INTS13: variants seen among roughly 807,000 people sequenced by gnomAD.
The protein encoded by INTS13 is asunder, spermatogenesis regulator homolog (Drosphila).
INTS13 carries 35 observed loss-of-function variants against 90.2 expected under a neutral mutation model. That is an observed-to-expected ratio of 0.39 (90% CI 0.30 to 0.51). The LOEUF (loss-of-function observed/expected upper bound fraction) is 0.51, where lower values mean the gene tolerates loss of function less well. INTS13 is among the 20% of genes least tolerant of loss of function. The probability of loss-of-function intolerance (pLI) is 0.80; values close to 1 mark genes in which losing one functional copy is unlikely to be tolerated. For synonymous variants in INTS13, 309 were observed against 277.1 expected (o/e 1.11, Z -1.14); for missense variants, 601 against 851.2 (o/e 0.71, Z 3.66).
intron 3 of INTS13, among the ~76,000 whole-genome samples, chr12:26,929,457 A>G (rs1277103108): frequency 6.6e-6 from 1 of 152,178 alleles, no homozygotes; most frequent in East Asian, 1.9e-4. Context: ...CCAGCGGCTC[A>G]TGCCTGTAAT....
chr12:26,916,629 T>C (rs1439107741), intron 10 of INTS13, among the ~76,000 whole-genome samples: 2 of 152,210 alleles, frequency 1.3e-5, no homozygotes, highest in East Asian at 1.9e-4. Context: ...CTATTCTACA[T>C]GTCCAAATGT....
chr12:26,913,848 A>G (rs957948417), intron 13 of INTS13, 126 bp downstream of exon 13: 1 of 1,134,028 alleles, frequency 8.8e-7, no homozygotes, highest in Admixed American at 2.7e-5. Context: ...ATTTTGTATT[A>G]TTTCATCTCA....
rs1369135352 is a variant in INTS13, at chr12:26,936,618, A to G, written c.186T>C (p.Tyr62=). The change falls in exon 2 of 17, where the codon TAT becomes TAC. Residue 62 remains tyrosine, a synonymous_variant. Coordinates refer to ENST00000261191, the MANE Select transcript of INTS13 (RefSeq NM_018164.3). ...WTCSVESSME[Y]CRIMYDIFPF... ...GAAATATATCATACATTATTCTACA[A>G]TATTCCATGGAAGATTCTACTGAGC... 3.1e-6 allele frequency: 5 copies of G among 1,612,926 alleles called. No homozygotes were observed. Among genetic ancestry groups the G allele is most frequent in the Non-Finnish European group, 4.2e-6 (5 of 1,178,966 alleles).
rs35037404 is a variant in INTS13, at chr12:26,916,050, A to T, written c.1200T>A (p.Pro400=). ...TTCCTCCACATCCTTCACTAATTGA[A>T]GGTGGATCTTCTAGAATGGATCGAG... ...SSSRSILEDP[P]SISEGCGGRV... The change falls in exon 11 of 17, where the codon CCT becomes CCA. Residue 400 remains proline, a synonymous_variant. Coordinates refer to ENST00000261191, the MANE Select transcript of INTS13 (RefSeq NM_018164.3). The T allele has an allele frequency of 0.041, 65,382 of 1,613,534 alleles. 1,613 individuals are homozygous for T. The highest frequency in any genetic ancestry group is 0.048 in the Non-Finnish European group (56,176 of 1,179,624).
At chr12:26,906,603 A>G in intron 15 of INTS13, 166 bp from the exon 16 acceptor site, 1 of 713,598 alleles carries the variant, frequency 1.4e-6, no homozygotes, top group South Asian at 2.0e-5. Flanking sequence ...TTTTCCTCTT[A>G]CTCTAAAATT....
At chr12:26,926,523 C>T (rs963283832) in intron 5 of INTS13, among the ~76,000 whole-genome samples, 7 of 152,178 alleles carry the variant, frequency 4.6e-5, no homozygotes, top group Non-Finnish European at 1.0e-4. Context: ...ATAACAATAA[C>T]ACTATGACCG....
chr12:26,924,769 G>A (rs1937775272), intron 6 of INTS13, among the ~76,000 whole-genome samples: 1 of 152,096 alleles, frequency 6.6e-6, no homozygotes, highest in South Asian at 2.1e-4. Context: ...AATTTAGAGT[G>A]AAATATTTAA....
In INTS13 at chr12:26,912,693, A is replaced by G. The variant is rs148729550; in HGVS notation, c.1805+764T>C. ...GTGCTTCCAAGGACATCCTATGCCT[A>G]TTTTTATAATAGCACCTTCCACACT... On this transcript the variant is annotated intron_variant, in intron 14 of 16. Transcript: ENST00000261191. Among the ~76,000 whole-genome samples the G allele has an allele frequency of 8.3e-4, 126 of 151,162 alleles. No homozygotes were observed. In the East Asian group the frequency reaches 0.022, roughly 26 times the overall value.
rs1951609365 is a variant in INTS13, at chr12:26,906,335, G to C, written c.2048C>G (p.Ala683Gly). 7.5e-6 allele frequency: 12 copies of C among 1,610,534 alleles called. No individual in the cohort carries two copies. The highest frequency in any genetic ancestry group is 7.6e-6 in the Non-Finnish European group (9 of 1,178,968). ...CTCTTTAAGATGTTGATATAGTTCA[G>C]CTCTGTTATTAACAGAGTTCAAACG... ...AGRLNSVNNR[A>G]ELYQHLKEEN... The change falls in exon 16 of 17, where the codon GCT becomes GGT. Residue 683 changes from alanine to glycine, a missense_variant. By Grantham distance (60) the Ala-to-Gly change is moderately conservative (BLOSUM62 0). Coordinates refer to ENST00000261191, the MANE Select transcript of INTS13 (RefSeq NM_018164.3).
chr12:26,925,858 G>A lies in INTS13; in HGVS notation c.585-7C>T, dbSNP rs760346796. 3.7e-6 allele frequency: 6 copies of A among 1,607,200 alleles called. No individual in the cohort carries two copies. The highest frequency in any genetic ancestry group is 1.7e-4 in the Middle Eastern group (1 of 6,036). On this transcript the variant is annotated splice_polypyrimidine_tract_variant and splice_region_variant and intron_variant, in intron 5 of 16. Transcript: ENST00000261191. ...TTTTTGAATCTGCATGAGACTTAAA[G>A]AGAAATTTTTGACTTAAAATTTAAG...
In INTS13 at chr12:26,918,170, A is replaced by G. The variant is rs558896626; in HGVS notation, c.890-437T>C. On this transcript the variant is annotated intron_variant, in intron 8 of 16. Coordinates refer to ENST00000261191, the MANE Select transcript of INTS13 (RefSeq NM_018164.3). ...AATAATAAAAGCAAAAAATAATAAT[A>G]GAGCAAACTGGGTATGGAGTAACCG... Among the ~76,000 whole-genome samples, 10 of 152,138 alleles carry G rather than the reference A, an allele frequency of 6.6e-5. No homozygotes were observed. In the East Asian group the frequency reaches 1.9e-3, roughly 29 times the overall value.
At chr12:26,916,337 A>G (rs1012355192) in intron 10 of INTS13, among the ~76,000 whole-genome samples, 157 bp from the exon 11 acceptor site, 7 of 152,214 alleles carry the variant, frequency 4.6e-5, no homozygotes, top group Admixed American at 2.6e-4. Flanking sequence ...ATGCCTAAAA[A>G]TCTGAATTCT....
At chr12:26,929,132 T>C (rs1460194049) in intron 3 of INTS13, 1 of 475,966 alleles carries the variant, frequency 2.1e-6, no homozygotes, top group African/African-American at 1.9e-5. Flanking sequence ...ATATCAATTA[T>C]TACAATACAT....
At chr12:26,934,162 C>G (rs1311947650) in intron 3 of INTS13, among the ~76,000 whole-genome samples, 1 of 152,166 alleles carries the variant, frequency 6.6e-6, no homozygotes, top group African/African-American at 2.4e-5. Context: ...GTAGTCTCAG[C>G]TACTCGGGAG....
chr12:26,920,768 ATATTTTCAAAAACAAGTTCTCT>A (rs1565826735), intron 8 of INTS13, among the ~76,000 whole-genome samples: 1 of 152,198 alleles, frequency 6.6e-6, no homozygotes, highest in African/African-American at 2.4e-5. Context: ...TCCATGTAAT[ATATTTTCAAAAACAAGTTCTCT>A]ATATTCCTTT....
intron 5 of INTS13, among the ~76,000 whole-genome samples, chr12:26,926,159 A>G (rs1937862627): frequency 6.6e-6 from 1 of 152,340 alleles, no homozygotes; most frequent in African/African-American, 2.4e-5. Context: ...AAATGAATAT[A>G]TTGTGTATTA....
At chr12:26,928,374 T>G in intron 4 of INTS13, 89 bp from the exon 5 acceptor site, 1 of 1,055,090 alleles carries the variant, frequency 9.5e-7, no homozygotes, top group Non-Finnish European at 1.4e-6. Flanking sequence ...TATGGTGTTA[T>G]AGACATTTAA....
intron 14 of INTS13, 95 bp downstream of exon 14, chr12:26,913,362 T>G (rs1240771658): frequency 8.8e-6 from 7 of 799,852 alleles, no homozygotes; most frequent in Non-Finnish European, 1.4e-5. Context: ...TTAAATGAAC[T>G]ACTATTAAAT....
intron 8 of INTS13, chr12:26,919,044 C>T (rs1952027215): frequency 5.0e-6 from 2 of 399,474 alleles, no homozygotes. Flanking sequence ...TATGCACCTG[C>T]AGTCCCAGCT....
Sources: allele counts gnomAD v4.1 joint callset (sites outside exome capture counted in the v4.1 genomes callset), GRCh38; gene constraint gnomAD v4.1.1; transcripts MANE v1.5; gene names NCBI Gene and HGNC (gene_info 2026-07-23, HGNC 2026-07-21).